ATP2A3: variants seen among roughly 807,000 people sequenced by gnomAD.
ATP2A3 encodes the protein sarcoplasmic/endoplasmic reticulum calcium ATPase 3.
In ATP2A3, 61 loss-of-function variants were observed where a neutral mutation model predicts 106.8. That is an observed-to-expected ratio of 0.57 (90% CI 0.46 to 0.71). The LOEUF (loss-of-function observed/expected upper bound fraction) is 0.71. ATP2A3 is among the 30% of genes least tolerant of loss of function. The probability of loss-of-function intolerance (pLI) is 0.00; values close to 1 mark genes in which losing one functional copy is unlikely to be tolerated. For synonymous variants in ATP2A3, 611 were observed against 609.3 expected, an observed-to-expected ratio of 1.00 and a Z score of -0.04; for missense variants, 1,201 against 1,423.5, an observed-to-expected ratio of 0.84 and a Z score of 2.52.
rs1487898255 is a variant in ATP2A3 at position 3,941,041 on chromosome 17, G to C, written c.2030C>G (p.Ala677Gly). Residue 677 changes from alanine (A) to glycine (G), a missense_variant, in exon 14 of 21, where the codon GCC (alanine) becomes GGC (glycine). By Grantham distance (60) the Ala-to-Gly change is moderately conservative. This residue lies in a region of ATP2A3 where 935 missense variants were observed against 1,176.7 expected (regional missense o/e 0.79). Transcript: ENST00000397041. ...GGACTTGTGTGCGGGCTCCACGCGGGCGAAGCAGCGGGCGGTGCGGCAGGC... is the reference window on the plus strand; with the variant it reads ...GGACTTGTGTGCGGGCTCCACGCGGCCGAAGCAGCGGGCGGTGCGGCAGGC... ...RQACRTARCF[A>G]RVEPAHKSRI... 1 of 1,613,814 alleles carries C rather than the reference G, an allele frequency of 6.2e-7. No individual in the cohort carries two copies. The highest frequency in any genetic ancestry group is 8.5e-7 in the Non-Finnish European group (1 of 1,179,788).
At chr17:3,963,313 C>T (rs1047295678) in intron 1 of ATP2A3, among the ~76,000 whole-genome samples, 3 of 152,200 alleles carry the variant, frequency 2.0e-5, no homozygotes, top group Admixed American at 1.3e-4. Flanking sequence ...CCCGATGCTG[C>T]GGGCATGAGC....
In ATP2A3 at chr17:3,953,800, C is replaced by T. The variant is rs986866857; in HGVS notation, c.119-90G>A. On this transcript the variant is annotated intron_variant, in intron 1 of 20. Transcript: ENST00000397041. This position sits in a 1 kb window ranked among gnomAD's most constrained non-coding sequence, Gnocchi z 5.1. ...CTCGGGGGAGTCTGGCAGTGCCTCC[C>T]CACCGTGCCCGCCCAGACCCCCACC... is the stretch of plus-strand genomic sequence containing the variant. The T allele has an allele frequency of 3.6e-6, 5 of 1,400,148 alleles. No homozygotes were observed. Among genetic ancestry groups the T allele is most frequent in the South Asian group, 2.5e-5 (2 of 80,840 alleles). 86.7% of individuals were successfully genotyped at this position (1,400,148 alleles called of 1,614,324 possible).
At position 3,937,618 on chromosome 17, in the gene ATP2A3, C is replaced by T. The variant is rs1172671550; in HGVS notation, c.2119G>A (p.Asp707Asn). Reference sequence around the variant, plus strand: ...TCTGCTTTCTTCAGGGCTGGTGCGTCGTTCACTCCATCGCCAGTCTGTGGG... The same window carrying T: ...TCTGCTTTCTTCAGGGCTGGTGCGTTGTTCACTCCATCGCCAGTCTGTGGG... ...ITAMTGDGVN[D>N]APALKKAEIG... Residue 707 changes from aspartate to asparagine, a missense_variant, in exon 15 of 21, where the codon GAC (aspartate) becomes AAC (asparagine). By Grantham distance (23) the Asp-to-Asn change is conservative (BLOSUM62 1). This residue lies in a region of ATP2A3 where 935 missense variants were observed against 1,176.7 expected (regional missense o/e 0.79). Coordinates refer to ENST00000397041, the MANE Select transcript of ATP2A3 (RefSeq NM_005173.4). 1.9e-6 allele frequency: 3 copies of T among 1,613,880 alleles called. No homozygotes were observed. Among genetic ancestry groups the T allele is most frequent in the Middle Eastern group, 1.7e-4 (1 of 6,036 alleles).
rs572207014 is a variant in ATP2A3, at chr17:3,941,858, G to C, written c.1546-204C>G. 5.3e-5 allele frequency among the ~76,000 whole-genome samples: 8 copies of C among 152,300 alleles called. No homozygotes were observed. In the South Asian group the frequency reaches 6.2e-4, roughly 12 times the overall value. On this transcript the variant is annotated intron_variant, in intron 12 of 20. Coordinates refer to ENST00000397041, the MANE Select transcript of ATP2A3 (RefSeq NM_005173.4). Reference sequence around the variant, plus strand: ...CCTGTGAGACAATCTAAAGAGAATGGGGGGAGTGTGCTGGGGTGGGGGCAG... The same window carrying C: ...CCTGTGAGACAATCTAAAGAGAATGCGGGGAGTGTGCTGGGGTGGGGGCAG...
chr17:3,938,200 G>A lies in ATP2A3; in HGVS notation c.2101-564C>T, dbSNP rs773709857. Among the ~76,000 whole-genome samples, 9 of 152,176 alleles carry A rather than the reference G, an allele frequency of 5.9e-5. No homozygotes were observed. In the East Asian group the frequency reaches 7.7e-4, roughly 13 times the overall value. On this transcript the variant is annotated intron_variant, in intron 14 of 20. Transcript: ENST00000397041. ...TGTAATCCCAGCACTTTGGGAGGCC[G>A]AGGTGGGTGGATGACCTGAGGTCAG...
intron 14 of ATP2A3, among the ~76,000 whole-genome samples, chr17:3,940,054 T>TG (rs2053674179): frequency 1.4e-5 from 2 of 141,800 alleles, no homozygotes; most frequent in African/African-American, 2.7e-5. Flanking sequence ...TTTTTTGTTT[T>TG]TTTTTTTTTT....
rs577547814 is a variant in ATP2A3 at position 3,939,564 on chromosome 17, G to A, written c.2100+1407C>T. Among the ~76,000 whole-genome samples, 29 of 151,916 alleles carry A rather than the reference G, an allele frequency of 1.9e-4. No homozygotes were observed. In the South Asian group the frequency reaches 5.6e-3, roughly 29 times the overall value. On this transcript the variant is annotated intron_variant, in intron 14 of 20. Transcript: ENST00000397041. ...AGCACTTTGGGAGGCTGAGGCGGGC[G>A]GATCACAAGGTCAAGAGATTGAGAC...
intron 16 of ATP2A3, among the ~76,000 whole-genome samples, chr17:3,935,522 A>G (rs9893105): frequency 0.023 from 3,297 of 144,884 alleles, 56 homozygotes; most frequent in Middle Eastern, 0.034. Context: ...CAATGAGAAC[A>G]GGCCTGTTGA....
At chr17:3,940,628 C>A (rs2053706009) in intron 14 of ATP2A3, among the ~76,000 whole-genome samples, 1 of 152,120 alleles carries the variant, frequency 6.6e-6, no homozygotes, top group African/African-American at 2.4e-5. Flanking sequence ...CTGCCTCAGC[C>A]TCCTGAGTAG....
At chr17:3,938,291 G>A (rs1279214450) in intron 14 of ATP2A3, among the ~76,000 whole-genome samples, 1 of 152,070 alleles carries the variant, frequency 6.6e-6, no homozygotes, top group Admixed American at 6.5e-5. Flanking sequence ...AAAATTAGCT[G>A]GGCGCAGTGG....
chr17:3,956,034 A>G (rs952194441), intron 1 of ATP2A3, among the ~76,000 whole-genome samples: 75 of 152,004 alleles, frequency 4.9e-4, no homozygotes, highest in Admixed American at 4.5e-3. Context: ...GGTGCCTGCC[A>G]CCACGCCCAG....
Position 3,964,355 on chromosome 17 carries a change from A to G in ATP2A3, c.-64T>C. 1.0e-6 allele frequency: 1 copy of G among 965,388 alleles called. No individual in the cohort carries two copies. Among genetic ancestry groups the G allele is most frequent in the Non-Finnish European group, 1.3e-6 (1 of 781,736 alleles). 59.8% of individuals were successfully genotyped at this position (965,388 alleles called of 1,614,324 possible). Reference sequence around the variant, plus strand: ...GGCCGCCTCTCCGCCGGGGGGCTACAAAGCGGGGCGCGGGGGACTCGGGCC... The same window carrying G: ...GGCCGCCTCTCCGCCGGGGGGCTACGAAGCGGGGCGCGGGGGACTCGGGCC... On this transcript the variant is annotated 5_prime_UTR_variant, in exon 1 of 21. Coordinates refer to ENST00000397041, the MANE Select transcript of ATP2A3 (RefSeq NM_005173.4).
At chr17:3,941,388 C>G in intron 13 of ATP2A3, 48 bp downstream of exon 13, 1 of 1,612,460 alleles carries the variant, frequency 6.2e-7, no homozygotes, top group Non-Finnish European at 8.5e-7. Flanking sequence ...GGAGACTTGG[C>G]TCCTGCACCC....
Position 3,940,036 on chromosome 17 carries a change from T to G in ATP2A3, c.2100+935A>C, listed in dbSNP as rs1280791588. On this transcript the variant is annotated intron_variant, in intron 14 of 20. Coordinates refer to ENST00000397041, the MANE Select transcript of ATP2A3 (RefSeq NM_005173.4). ...TTGATGGTAATGTGTCATATCTTTT[T>G]TTTTTTGTTTTTTGTTTTTTTTTTT... 1.6e-4 allele frequency among the ~76,000 whole-genome samples: 18 copies of G among 116,088 alleles called. 1 individual carries two copies. Among genetic ancestry groups the G allele is most frequent in the Non-Finnish European group, 2.3e-4 (13 of 57,712 alleles). The allele number at this position is 116,088 out of a possible 152,430, so 76.2% of individuals were successfully genotyped here. A position where few individuals can be genotyped will look rare whatever the true frequency, so the allele number is the denominator to read the frequency against.
chr17:3,956,904 C>T (rs1051786434), intron 1 of ATP2A3, among the ~76,000 whole-genome samples: 3 of 152,278 alleles, frequency 2.0e-5, no homozygotes, highest in African/African-American at 7.2e-5. Context: ...CCTGCCCACA[C>T]AGCCAGCTCC....
Position 3,942,700 on chromosome 17 carries a change from G to A in ATP2A3, c.1451C>T (p.Thr484Ile). Residue 484 changes from threonine (T) to isoleucine (I), a missense_variant, in exon 12 of 21, where the codon ACC becomes ATC. By Grantham distance (89) the Thr-to-Ile change is moderately conservative. Coordinates refer to ENST00000397041, the MANE Select transcript of ATP2A3 (RefSeq NM_005173.4). ...VIKQLMRKEF[T>I]LEFSRDRKSM... ...TTTCCGGTCTCGGGAGAACTCCAGG[G>A]TGAACTCCTTCCGCATCAGCTGCTT... The A allele has an allele frequency of 1.9e-6, 3 of 1,613,598 alleles. No individual in the cohort carries two copies. The highest frequency in any genetic ancestry group is 2.5e-6 in the Non-Finnish European group (3 of 1,179,974).
chr17:3,936,774 C>A lies in ATP2A3; in HGVS notation c.2322-305G>T. 4.5e-6 allele frequency: 2 copies of A among 447,192 alleles called. No homozygotes were observed. Among genetic ancestry groups the A allele is most frequent in the Non-Finnish European group, 8.3e-6 (2 of 239,670 alleles). The allele number at this position is 447,192 out of a possible 1,614,324, so 27.7% of individuals were successfully genotyped here. A position where few individuals can be genotyped will look rare whatever the true frequency, so the allele number is the denominator to read the frequency against. ...CACACACGCACACGAAGAGGGCATGCCCAAGAATCAGACATGTGCAAAAAC... is the reference window on the plus strand; with the variant it reads ...CACACACGCACACGAAGAGGGCATGACCAAGAATCAGACATGTGCAAAAAC... On this transcript the variant is annotated intron_variant, in intron 15 of 20. Transcript: ENST00000397041. The surrounding 1 kb of genome is among the most constrained non-coding windows in gnomAD (Gnocchi z 5.4).
chr17:3,935,576 C>T (rs1219383241), intron 16 of ATP2A3, among the ~76,000 whole-genome samples: 5 of 139,040 alleles, frequency 3.6e-5, no homozygotes, highest in East Asian at 4.3e-4. Flanking sequence ...CTCACTCTGT[C>T]GCCCAGGCTG....
chr17:3,953,374 G>A lies in ATP2A3; in HGVS notation c.192C>T (p.Ile64=), dbSNP rs762389482. Residue 64 remains isoleucine (I), a synonymous_variant, in exon 3 of 21, where the codon ATC becomes ATT. Coordinates refer to ENST00000397041, the MANE Select transcript of ATP2A3 (RefSeq NM_005173.4). The surrounding 1 kb of genome is among the most constrained non-coding windows in gnomAD (Gnocchi z 5.1). ...LEQFEDLLVR[I]LLLAALVSFV... ...AGGAGACAAGGGCAGCCAGCAGCAG[G>A]ATGCGCACCAGGAGGTCCTCAAACT... 2 of 1,613,952 alleles carry A rather than the reference G, an allele frequency of 1.2e-6. No individual in the cohort carries two copies. The highest frequency in any genetic ancestry group is 2.2e-5 in the South Asian group (2 of 91,092).
Sources: allele counts gnomAD v4.1 joint callset (sites outside exome capture counted in the v4.1 genomes callset), GRCh38; gene constraint gnomAD v4.1.1; regional missense constraint gnomAD v4.1.1; non-coding constraint Gnocchi (gnomAD v3.1); transcripts MANE v1.5; gene names NCBI Gene and HGNC (gene_info 2026-07-23, HGNC 2026-07-21).